Variants in CREB5 observed in about 807,000 individuals in gnomAD.
The protein encoded by CREB5 is cyclic AMP-responsive element-binding protein 5.
Under a neutral mutation model 57.1 loss-of-function variants are expected in CREB5, and 19 were observed. That is an observed-to-expected ratio of 0.33 (90% CI 0.23 to 0.49). The LOEUF (loss-of-function observed/expected upper bound fraction) is 0.49, where lower values mean the gene tolerates loss of function less well. Among genes scored for constraint, CREB5 ranks in the 20% least tolerant of loss-of-function variants. The pLI is 0.99. For missense variants in CREB5, 579 were observed against 671.6 expected, an observed-to-expected ratio of 0.86 and a Z score of 1.52; for synonymous variants, 238 against 238.3, an observed-to-expected ratio of 1.00 and a Z score of 0.01.
At chr7:28,307,672 A>C (rs1785213008) in intron 1 of CREB5, among the ~76,000 whole-genome samples, 1 of 152,230 alleles carries the variant, frequency 6.6e-6, no homozygotes, top group Non-Finnish European at 1.5e-5. Context: ...TGAGAGCTGA[A>C]ACCTGTCATC....
intron 4 of CREB5, among the ~76,000 whole-genome samples, chr7:28,560,823 C>T (rs76447502): frequency 0.21 from 7,067 of 34,096 alleles, 1,543 homozygotes; most frequent in African/African-American, 0.4. Context: ...TGTGTGTGTG[C>T]GCGCGCGCGC....
At chr7:28,582,610 A>G (rs1327909725) in intron 5 of CREB5, among the ~76,000 whole-genome samples, 1 of 152,138 alleles carries the variant, frequency 6.6e-6, no homozygotes, top group Non-Finnish European at 1.5e-5. Flanking sequence ...TTTTATGGTG[A>G]TGGGTCTCAT....
chr7:28,549,957 C>T (rs1402686673), intron 4 of CREB5, among the ~76,000 whole-genome samples: 2 of 152,192 alleles, frequency 1.3e-5, no homozygotes, highest in Admixed American at 6.5e-5. Context: ...TTTCTAGCCT[C>T]TTCAGTGGAT....
intron 5 of CREB5, among the ~76,000 whole-genome samples, chr7:28,607,558 T>C (rs1029307610): frequency 1.3e-5 from 2 of 152,184 alleles, no homozygotes; most frequent in African/African-American, 4.8e-5. Context: ...TGAAAAACAT[T>C]AAACCAGGTA....
chr7:28,739,845 G>A (rs1302941640), intron 7 of CREB5, among the ~76,000 whole-genome samples: 1 of 152,192 alleles, frequency 6.6e-6, no homozygotes, highest in Non-Finnish European at 1.5e-5. Context: ...GTTTCACAGA[G>A]TTCTTACAGC....
At chr7:28,427,250 T>C (rs1319872297) in intron 1 of CREB5, among the ~76,000 whole-genome samples, 1 of 152,216 alleles carries the variant, frequency 6.6e-6, no homozygotes, top group East Asian at 1.9e-4. Flanking sequence ...AGACATATTT[T>C]AAAATTCTGC....
chr7:28,593,171 G>A (rs537597267), intron 5 of CREB5, among the ~76,000 whole-genome samples: 1 of 152,316 alleles, frequency 6.6e-6, no homozygotes, highest in Non-Finnish European at 1.5e-5. Context: ...ACAGCATGAG[G>A]TGTGTGTACC....
At chr7:28,382,224 G>A (rs1431951577) in intron 1 of CREB5, among the ~76,000 whole-genome samples, 2 of 152,186 alleles carry the variant, frequency 1.3e-5, no homozygotes, top group Non-Finnish European at 2.9e-5. Context: ...GCCCCCAGCT[G>A]ATTGGATGGT....
intron 1 of CREB5, among the ~76,000 whole-genome samples, chr7:28,311,339 C>G (rs1322874190): frequency 2.6e-5 from 4 of 151,978 alleles, no homozygotes; most frequent in Non-Finnish European, 5.9e-5. Context: ...CCCTTAGGAC[C>G]TATTTTCAAA....
chr7:28,348,835 G>A (rs925747694), intron 1 of CREB5, among the ~76,000 whole-genome samples: 5 of 152,262 alleles, frequency 3.3e-5, no homozygotes, highest in African/African-American at 7.2e-5. Flanking sequence ...TCCACATGGC[G>A]GCTGTGTGTG....
At position 28,528,162 on chromosome 7, in the gene CREB5, C is replaced by T. The variant is rs182321278; in HGVS notation, c.291+20425C>T. Among the ~76,000 whole-genome samples, 933 of 152,322 alleles carry T rather than the reference C, an allele frequency of 6.1e-3. 6 individuals are homozygous for T. The highest frequency in any genetic ancestry group is 7.7e-3 in the South Asian group (37 of 4,832). On this transcript the variant is annotated intron_variant, in intron 4 of 10. Transcript: ENST00000357727. ...CACACTTTCTTGGGATGTACTGACA[C>T]TTCAAGACACTTTGAATGTACAGTC...
chr7:28,409,321 G>T (rs1266902698), upstream of CREB5: 2 of 152,582 alleles, frequency 1.3e-5, no homozygotes, highest in African/African-American at 2.4e-5. The surrounding 1 kb of genome is among the most constrained non-coding windows in gnomAD (Gnocchi z 4.4). Flanking sequence ...CGTCACCGGG[G>T]GGGTGATGTA....
chr7:28,382,010 A>G (rs1440040296), intron 1 of CREB5, among the ~76,000 whole-genome samples: 1 of 152,224 alleles, frequency 6.6e-6, no homozygotes, highest in East Asian at 1.9e-4. Context: ...GCTCAGTCCA[A>G]GTCTGAAGGC....
intron 5 of CREB5, among the ~76,000 whole-genome samples, chr7:28,610,396 G>C (rs1444989461): frequency 6.6e-6 from 1 of 152,116 alleles, no homozygotes; most frequent in East Asian, 1.9e-4. Context: ...CTATATACTT[G>C]CCAAATACTG....
At chr7:28,299,827 A>T (rs1377649316) in intron 1 of CREB5, among the ~76,000 whole-genome samples, 1 of 152,238 alleles carries the variant, frequency 6.6e-6, no homozygotes, top group Non-Finnish European at 1.5e-5. Flanking sequence ...TTTAGGAGCC[A>T]GGGCAAACTA....
intron 4 of CREB5, among the ~76,000 whole-genome samples, chr7:28,524,236 G>T (rs896792493): frequency 6.6e-6 from 1 of 151,610 alleles, no homozygotes; most frequent in Non-Finnish European, 1.5e-5. Context: ...CAGCATTTCG[G>T]GAGTCAAAGA....
intron 7 of CREB5, among the ~76,000 whole-genome samples, chr7:28,739,902 C>A (rs953093587): frequency 1.3e-5 from 2 of 152,222 alleles, no homozygotes; most frequent in South Asian, 4.1e-4. Flanking sequence ...TCCCCACTGG[C>A]ATATTCATTA....
intron 5 of CREB5, among the ~76,000 whole-genome samples, chr7:28,571,922 G>A (rs575383952): frequency 6.6e-6 from 1 of 152,356 alleles, no homozygotes; most frequent in African/African-American, 2.4e-5. Context: ...AGGGGCGCTT[G>A]CTGTGTTTGG....
At chr7:28,712,791 C>T (rs1009974976) in intron 5 of CREB5, among the ~76,000 whole-genome samples, 2 of 151,870 alleles carry the variant, frequency 1.3e-5, no homozygotes, top group African/African-American at 4.8e-5. Context: ...GTCTCGTCCT[C>T]CCAAAGTGCT....
Sources: allele counts gnomAD v4.1 joint callset (sites outside exome capture counted in the v4.1 genomes callset), GRCh38; gene constraint gnomAD v4.1.1; non-coding constraint Gnocchi (gnomAD v3.1); transcripts MANE v1.5; gene names NCBI Gene and HGNC (gene_info 2026-07-23, HGNC 2026-07-21).